Variants in NKAIN3 observed in about 807,000 individuals in gnomAD.
NKAIN3 encodes the protein sodium/potassium transporting ATPase interacting 3.
NKAIN3 carries 25 observed loss-of-function variants against 30.2 expected under a neutral mutation model. That is an observed-to-expected ratio of 0.83 (90% CI 0.60 to 1.16). The LOEUF is 1.16. NKAIN3 is among the 50% of genes most tolerant of loss of function. NKAIN3 has a pLI of 0.00. For synonymous variants in NKAIN3, 91 were observed against 89.6 expected (o/e 1.02, Z -0.09); for missense variants, 225 against 254.1 (o/e 0.89, Z 0.78).
chr8:62,858,937 T>G (rs564465419), intron 4 of NKAIN3, among the ~76,000 whole-genome samples: 1 of 152,326 alleles, frequency 6.6e-6, no homozygotes, highest in African/African-American at 2.4e-5. Flanking sequence ...GTGCATTGCC[T>G]GGGCTGCAGA....
At chr8:62,686,207 G>A (rs184421011) in intron 3 of NKAIN3, among the ~76,000 whole-genome samples, 4 of 152,282 alleles carry the variant, frequency 2.6e-5, no homozygotes, top group African/African-American at 9.6e-5. Context: ...TCCTTTAGCA[G>A]ACCATCTTGC....
chr8:62,361,830 GTT>G (rs1457140888), intron 1 of NKAIN3, among the ~76,000 whole-genome samples: 1 of 152,146 alleles, frequency 6.6e-6, no homozygotes, highest in South Asian at 2.1e-4. Context: ...TCTCATGCTT[GTT>G]TGTTTTTAAC....
Position 62,980,135 on chromosome 8 carries a change from C to G in NKAIN3, c.*14728C>G, listed in dbSNP as rs910243912. 3 of 152,120 alleles carry G rather than the reference C, an allele frequency of 2.0e-5. No individual in the cohort carries two copies. The highest frequency in any genetic ancestry group is 6.5e-5 in the Admixed American group (1 of 15,272). 9.4% of individuals were successfully genotyped at this position (152,120 alleles called of 1,614,324 possible). ...TTGGTTTAAATGTAATCCCACATGCCCTAGACAAGCCTCCTGATGATTTTT... is the reference window on the plus strand; with the variant it reads ...TTGGTTTAAATGTAATCCCACATGCGCTAGACAAGCCTCCTGATGATTTTT... On this transcript the variant is annotated 3_prime_UTR_variant, in exon 7 of 7. Coordinates refer to ENST00000623646, the MANE Select transcript of NKAIN3 (RefSeq NM_001304533.3).
chr8:62,915,065 G>A (rs1440189481), intron 4 of NKAIN3, among the ~76,000 whole-genome samples: 1 of 152,070 alleles, frequency 6.6e-6, no homozygotes, highest in African/African-American at 2.4e-5. Flanking sequence ...TTCTGTTCCT[G>A]TGTAAGACTT....
At position 62,980,210 on chromosome 8, in the gene NKAIN3, C is replaced by T. The variant is rs540298283; in HGVS notation, c.*14803C>T. The T allele has an allele frequency of 6.6e-6, 1 of 152,248 alleles. No homozygotes were observed. The highest frequency in any genetic ancestry group is 2.4e-5 in the African/African-American group (1 of 41,534). The allele number at this position is 152,248 out of a possible 1,614,324, so 9.4% of individuals were successfully genotyped here. On this transcript the variant is annotated 3_prime_UTR_variant, in exon 7 of 7. Transcript: ENST00000623646. ...TTTAACTGCTGGGTGTCAGTCTCTT[C>T]TAAAAATTTTGTTCCTAAGGAATTG... is the stretch of plus-strand genomic sequence containing the variant.
intron 1 of NKAIN3, among the ~76,000 whole-genome samples, chr8:62,280,973 G>A: frequency 6.6e-6 from 1 of 152,272 alleles, no homozygotes; most frequent in African/African-American, 2.4e-5. Flanking sequence ...TTGTACCTCT[G>A]GTAGAATTCA....
intron 3 of NKAIN3, among the ~76,000 whole-genome samples, chr8:62,637,800 C>T (rs961618365): frequency 2.0e-5 from 3 of 151,964 alleles, no homozygotes; most frequent in South Asian, 4.2e-4. Context: ...GTGAGGCCAA[C>T]GAGGGGAGAT....
intron 3 of NKAIN3, among the ~76,000 whole-genome samples, chr8:62,646,598 G>A (rs1812467052): frequency 6.6e-6 from 1 of 152,036 alleles, no homozygotes; most frequent in African/African-American, 2.4e-5. Context: ...AACAGGCTTA[G>A]CTTTTGCATA....
At position 62,562,941 on chromosome 8, in the gene NKAIN3, G is replaced by A. The variant is rs922059305; in HGVS notation, c.55-16598G>A. Among the ~76,000 whole-genome samples the A allele has an allele frequency of 1.1e-4, 17 of 152,176 alleles. No homozygotes were observed. In the South Asian group the frequency reaches 2.7e-3, roughly 24 times the overall value. On this transcript the variant is annotated intron_variant, in intron 1 of 6. Coordinates refer to ENST00000623646, the MANE Select transcript of NKAIN3 (RefSeq NM_001304533.3). The stretch of plus-strand genomic sequence containing the variant: ...TTGGCCCGTAACCCTGTCTCCTGTC[G>A]TCTCATGCTGGGTTGCCATTTACGT...
At chr8:62,562,261 A>G (rs532092098) in intron 1 of NKAIN3, among the ~76,000 whole-genome samples, 1 of 152,324 alleles carries the variant, frequency 6.6e-6, no homozygotes, top group African/African-American at 2.4e-5. Flanking sequence ...GTATGAGAGC[A>G]TGATGAAAAG....
intron 4 of NKAIN3, among the ~76,000 whole-genome samples, chr8:62,869,683 G>T (rs1266006404): frequency 1.3e-5 from 2 of 152,188 alleles, no homozygotes; most frequent in Admixed American, 6.5e-5. Context: ...CCTTGCGGGG[G>T]GTAGGTGGGG....
intron 2 of NKAIN3, among the ~76,000 whole-genome samples, chr8:62,583,077 C>G (rs1237987509): frequency 2.0e-5 from 3 of 152,272 alleles, no homozygotes; most frequent in African/African-American, 7.2e-5. Flanking sequence ...TCTAGAGTGT[C>G]TTGAGTATGT....
At chr8:62,945,595 G>A (rs1046863929) in intron 5 of NKAIN3, among the ~76,000 whole-genome samples, 1 of 152,124 alleles carries the variant, frequency 6.6e-6, no homozygotes, top group Admixed American at 6.5e-5. Flanking sequence ...GTCCAGAATG[G>A]CCATACTTTT....
chr8:62,467,061 T>C (rs924536005), intron 1 of NKAIN3, among the ~76,000 whole-genome samples: 1 of 152,132 alleles, frequency 6.6e-6, no homozygotes, highest in African/African-American at 2.4e-5. Context: ...CCTCACTTCT[T>C]TTCCTGCTCT....
chr8:62,657,313 T>A (rs1250259854), intron 3 of NKAIN3, among the ~76,000 whole-genome samples: 1 of 152,198 alleles, frequency 6.6e-6, no homozygotes, highest in Non-Finnish European at 1.5e-5. Flanking sequence ...ATATTCACTT[T>A]AATAGACTGG....
chr8:62,804,113 A>T (rs1220571854), intron 4 of NKAIN3, among the ~76,000 whole-genome samples: 1 of 152,192 alleles, frequency 6.6e-6, no homozygotes, highest in East Asian at 1.9e-4. Flanking sequence ...AAATTGTGGC[A>T]ATAATCAATA....
At chr8:62,350,464 AG>A (rs1246390797) in intron 1 of NKAIN3, among the ~76,000 whole-genome samples, 2 of 152,214 alleles carry the variant, frequency 1.3e-5, no homozygotes, top group Non-Finnish European at 2.9e-5. Flanking sequence ...GGCTGGGGAC[AG>A]GGGTGAATGG....
At chr8:62,301,387 G>T (rs767117338) in intron 1 of NKAIN3, among the ~76,000 whole-genome samples, 18 of 152,062 alleles carry the variant, frequency 1.2e-4, no homozygotes, top group Admixed American at 6.6e-5. Flanking sequence ...ACTGCCTCAT[G>T]ATTGAAGATT....
At chr8:62,780,801 G>A (rs903664475) in intron 4 of NKAIN3, among the ~76,000 whole-genome samples, 3 of 151,926 alleles carry the variant, frequency 2.0e-5, no homozygotes, top group Non-Finnish European at 2.9e-5. Flanking sequence ...CAAAATAATA[G>A]TGGTCATATA....
Sources: allele counts gnomAD v4.1 joint callset (sites outside exome capture counted in the v4.1 genomes callset), GRCh38; gene constraint gnomAD v4.1.1; transcripts MANE v1.5; gene names NCBI Gene and HGNC (gene_info 2026-07-23, HGNC 2026-07-21).